Variants in TEKT4 observed in about 807,000 individuals in gnomAD.
TEKT4 encodes the protein tektin 4, also known as tektin-4.
A neutral mutation model predicts 46.0 loss-of-function variants in TEKT4; 46 were observed. The ratio of observed to expected loss-of-function variants is 1.00; its 90% confidence interval spans 0.79 to 1.28. The LOEUF is 1.28. TEKT4 is among the 50% of genes most tolerant of loss of function. TEKT4 has a pLI of 0.00. For synonymous variants in TEKT4, 325 were observed against 265.8 expected, an observed-to-expected ratio of 1.22 and a Z score of -2.17; for missense variants, 790 against 622.9, an observed-to-expected ratio of 1.27 and a Z score of -2.85.
rs1480731790 is a variant in TEKT4 at position 94,874,061 on chromosome 2, G to A, written c.666G>A (p.Gln222=). 3.7e-6 allele frequency: 6 copies of A among 1,613,568 alleles called. No homozygotes were observed. The highest frequency in any genetic ancestry group is 2.2e-5 in the South Asian group (2 of 91,080). ...IDETCGRHHS[Q]STEVQAHPYS... ...AGACCTGCGGGCGCCACCACAGCCA[G>A]AGCACCGAGGTGCAGGCTCATCCGT... The change falls in exon 3 of 6, where the codon CAG becomes CAA. Residue 222 remains glutamine, a synonymous_variant. Coordinates refer to ENST00000295201, the MANE Select transcript of TEKT4 (RefSeq NM_144705.4).
chr2:94,873,989 C>T lies in TEKT4; in HGVS notation c.594C>T (p.Thr198=). 6.2e-7 allele frequency: 1 copy of T among 1,613,870 alleles called. No individual in the cohort carries two copies. The highest frequency in any genetic ancestry group is 8.5e-7 in the Non-Finnish European group (1 of 1,179,976). Residue 198 remains threonine, a synonymous_variant, in exon 3 of 6, where the codon ACC becomes ACT. Transcript: ENST00000295201. ...GACTGAACCGGGAGCACAAGGAGAC[C>T]TGCGAGATGGACTGGTCAGACAAGA... ...QIRLNREHKE[T]CEMDWSDKME... is the part of the protein sequence containing the mutation.
intron 5 of TEKT4, among the ~76,000 whole-genome samples, chr2:94,876,006 C>T (rs1680836219): frequency 6.6e-6 from 1 of 152,208 alleles, no homozygotes; most frequent in Non-Finnish European, 1.5e-5. Context: ...GCTACCTCAT[C>T]TTCCCGGGAG....
chr2:94,872,752 G>A (rs539459423), intron 1 of TEKT4: 4 of 1,223,102 alleles, frequency 3.3e-6, no homozygotes, highest in Admixed American at 4.7e-5. Context: ...CCAAGCTCAG[G>A]CAAGAACCCT....
rs568804753 is a variant in TEKT4, at chr2:94,874,954, G to A, written c.892G>A (p.Glu298Lys). The A allele has an allele frequency of 2.5e-6, 4 of 1,611,440 alleles. No homozygotes were observed. The highest frequency in any genetic ancestry group is 1.3e-5 in the African/African-American group (1 of 75,000). ...VNLAFGRRCE[E>K]LEDARYKLHH... is the part of the protein sequence containing the mutation. ...CCTGGCCTTCGGGCGCCGCTGTGAG[G>A]AGCTGGAGGACGCGCGGTACAAGCT... The change falls in exon 4 of 6, where the codon GAG (glutamate) becomes AAG (lysine). Residue 298 changes from glutamate (E) to lysine (K), a missense_variant. By Grantham distance (56) the Glu-to-Lys change is moderately conservative (BLOSUM62 1). Coordinates refer to ENST00000295201, the MANE Select transcript of TEKT4 (RefSeq NM_144705.4).
rs782176752 is a variant in TEKT4, at chr2:94,874,789, G to C, written c.727G>C (p.Glu243Gln). Reference protein sequence around the residue: ...TTFQESASTPETRAKFTQDNL... With the variant: ...TTFQESASTPQTRAKFTQDNL... ...CCCGCCCCGCAGCGCCTCCACCCCG[G>C]AGACCCGGGCCAAGTTCACGCAGGA... The change falls in exon 4 of 6, where the codon GAG becomes CAG. Residue 243 changes from glutamate to glutamine, a missense_variant. Physicochemically the swap from Glu to Gln is conservative, Grantham distance 29. Transcript: ENST00000295201. The C allele has an allele frequency of 1.6e-5, 25 of 1,584,724 alleles. No individual in the cohort carries two copies. The Admixed American group carries it at 4.2e-4, about 27-fold the overall frequency.
rs76125507 is a variant in TEKT4 at position 94,871,963 on chromosome 2, C to T, written c.384C>T (p.Arg128=). 4.6e-5 allele frequency: 73 copies of T among 1,601,010 alleles called. No individual in the cohort carries two copies. The East Asian group carries it at 1.0e-3, about 23-fold the overall frequency. Reference sequence around the variant, plus strand: ...TGGCCCAGAAGCAACGGCTGGAGCGCGCCCTGGACGCCACAGAGGTGCCCT... The same window carrying T: ...TGGCCCAGAAGCAACGGCTGGAGCGTGCCCTGGACGCCACAGAGGTGCCCT... The part of the protein sequence containing the change: ...LLLAQKQRLE[R]ALDATEVPFS... The change falls in exon 1 of 6, where the codon CGC becomes CGT. Residue 128 remains arginine (R), a synonymous_variant. Transcript: ENST00000295201.
Position 94,875,582 on chromosome 2 carries a change from C to T in TEKT4, c.937-6C>T. ...ACAGGCCCAAGGAGAACTGTCCTGT[C>T]TGCAGACACTGCGGGAAATCACAGA... On this transcript the variant is annotated splice_polypyrimidine_tract_variant and splice_region_variant and intron_variant, in intron 4 of 5. Transcript: ENST00000295201. 3.1e-6 allele frequency: 5 copies of T among 1,614,108 alleles called. No individual in the cohort carries two copies. The highest frequency in any genetic ancestry group is 2.2e-5 in the East Asian group (1 of 44,878).
rs782253861 is a variant in TEKT4 at position 94,876,804 on chromosome 2, TAAAC to T, written c.*37_*40del. 9.1e-5 allele frequency: 144 copies of T among 1,579,272 alleles called. No homozygotes were observed. Among genetic ancestry groups the T allele is most frequent in the Non-Finnish European group, 1.2e-4 (140 of 1,163,194 alleles). On this transcript the variant is annotated 3_prime_UTR_variant, in exon 6 of 6. Transcript: ENST00000295201. ...CGGTGCTTCCCCCCAGTCCCCCAAA[TAAAC>T]AGCGCGTTAGCTTTCTGCACAGTGT...
chr2:94,876,112 T>C (rs1553396445), intron 5 of TEKT4, among the ~76,000 whole-genome samples: 1 of 152,174 alleles, frequency 6.6e-6, no homozygotes, highest in African/African-American at 2.4e-5. Context: ...TGTCCACACC[T>C]CTGGTGGGAA....
Position 94,876,580 on chromosome 2 carries a change from C to T in TEKT4, c.1119C>T (p.Asn373=), listed in dbSNP as rs1291845623. The T allele has an allele frequency of 4.3e-6, 7 of 1,610,638 alleles. No individual in the cohort carries two copies. In the South Asian group the frequency reaches 6.6e-5, roughly 15 times the overall value. Residue 373 remains asparagine (N), a synonymous_variant, in exon 6 of 6, where the codon AAC becomes AAT. Transcript: ENST00000295201. ...TGTTGAGTGAGGTGGAGGAGCTGAA[C>T]ATGTCCCTCACAGCACTGCGAGAGA... is the stretch of plus-strand genomic sequence containing the variant. ...FRLLSEVEEL[N]MSLTALREKL... is the part of the protein sequence containing the mutation.
intron 1 of TEKT4, chr2:94,872,691 T>C (rs1490942327): frequency 3.3e-6 from 2 of 609,896 alleles, no homozygotes; most frequent in East Asian, 6.8e-5. Flanking sequence ...TACAGGCCTG[T>C]AGACATTCGT....
chr2:94,874,955 A>G lies in TEKT4; in HGVS notation c.893A>G (p.Glu298Gly). 6.2e-7 allele frequency: 1 copy of G among 1,611,372 alleles called. No individual in the cohort carries two copies. Among genetic ancestry groups the G allele is most frequent in the Non-Finnish European group, 8.5e-7 (1 of 1,179,544 alleles). Residue 298 changes from glutamate (E) to glycine (G), a missense_variant, in exon 4 of 6, where the codon GAG (glutamate) becomes GGG (glycine). Physicochemically the swap from Glu to Gly is moderately conservative, Grantham distance 98. Coordinates refer to ENST00000295201, the MANE Select transcript of TEKT4 (RefSeq NM_144705.4). ...CTGGCCTTCGGGCGCCGCTGTGAGG[A>G]GCTGGAGGACGCGCGGTACAAGCTG... is the stretch of plus-strand genomic sequence containing the variant. ...VNLAFGRRCE[E>G]LEDARYKLHH...
rs782197415 is a variant in TEKT4 at position 94,875,753 on chromosome 2, G to A, written c.1091+11G>A. The A allele has an allele frequency of 1.2e-6, 2 of 1,611,800 alleles. No individual in the cohort carries two copies. The highest frequency in any genetic ancestry group is 2.2e-5 in the East Asian group (1 of 44,826). On this transcript the variant is annotated intron_variant, in intron 5 of 5. Coordinates refer to ENST00000295201, the MANE Select transcript of TEKT4 (RefSeq NM_144705.4). ...CGCAGCCCAGTTCAGGTGCTGCCTG[G>A]GCCTCTGAGGCAGTCCCAGGTGGCC...
At chr2:94,872,408 G>A (rs1468642188) in intron 1 of TEKT4, 13 of 444,994 alleles carry the variant, frequency 2.9e-5, no homozygotes, top group Non-Finnish European at 5.3e-5. Flanking sequence ...CTCCCAAGGT[G>A]GAAACCCAGG....
chr2:94,873,427 TTGCTCAGGTGTTGACCAAG>T, intron 1 of TEKT4, 74 bp from the exon 2 acceptor site: 1 of 1,597,702 alleles, frequency 6.3e-7, no homozygotes, highest in Non-Finnish European at 8.5e-7. Flanking sequence ...CTCCTTGTGG[TTGCTCAGGTGTTGACCAAG>T]GCCTGCAGCA....
chr2:94,872,693 G>A (rs782208609), intron 1 of TEKT4: 8 of 620,404 alleles, frequency 1.3e-5, no homozygotes, highest in African/African-American at 3.8e-5. Context: ...CAGGCCTGTA[G>A]ACATTCGTGA....
intron 2 of TEKT4, 152 bp downstream of exon 2, chr2:94,873,742 C>A: frequency 8.0e-7 from 1 of 1,257,682 alleles, no homozygotes; most frequent in Non-Finnish European, 1.1e-6. Flanking sequence ...GAGGTTCCGG[C>A]GCAGCCTGAG....
At chr2:94,875,962 G>A (rs537959791) in intron 5 of TEKT4, among the ~76,000 whole-genome samples, 1 of 152,176 alleles carries the variant, frequency 6.6e-6, no homozygotes, top group Non-Finnish European at 1.5e-5. Context: ...CCAGTGCCAG[G>A]GACCTGTGCC....
At position 94,871,948 on chromosome 2, in the gene TEKT4, G is replaced by GC; in HGVS notation, c.370dup (p.Gln124ProfsTer19). 6.2e-7 allele frequency: 1 copy of GC among 1,601,528 alleles called. No homozygotes were observed. Among genetic ancestry groups the GC allele is most frequent in the East Asian group, 2.2e-5 (1 of 44,682 alleles). ...AGACCAACTTGCTCCTGGCCCAGAAGCAACGGCTGGAGCGCGCCCTGGACG... is the reference window on the plus strand; with the variant it reads ...AGACCAACTTGCTCCTGGCCCAGAAGCCAACGGCTGGAGCGCGCCCTGGACG... On this transcript the variant is annotated frameshift_variant, in exon 1 of 6. Coordinates refer to ENST00000295201, the MANE Select transcript of TEKT4 (RefSeq NM_144705.4). LOFTEE classifies it high-confidence loss of function.
Sources: allele counts gnomAD v4.1 joint callset (sites outside exome capture counted in the v4.1 genomes callset), GRCh38; gene constraint gnomAD v4.1.1; transcripts MANE v1.5; gene names NCBI Gene and HGNC (gene_info 2026-07-23, HGNC 2026-07-21).